The following NPEPL1 variants were observed in gnomAD, a reference collection of about 807,000 sequenced individuals.
NPEPL1 encodes the protein aminopeptidase like 1.
In NPEPL1, 45 loss-of-function variants were observed where a neutral mutation model predicts 52.4. The ratio of observed to expected loss-of-function variants is 0.86; its 90% CI spans 0.68 to 1.10. The LOEUF is 1.10. NPEPL1 is among the 50% of genes least tolerant of loss of function. NPEPL1 has a pLI of 0.00. For synonymous variants in NPEPL1, 360 were observed against 314.7 expected, an observed-to-expected ratio of 1.14 and a Z score of -1.52; for missense variants, 696 against 710.9, an observed-to-expected ratio of 0.98 and a Z score of 0.24.
intron 6 of NPEPL1, 36 bp from the exon 7 acceptor site, chr20:58,707,087 C>G: frequency 6.5e-7 from 1 of 1,545,750 alleles, no homozygotes; most frequent in Non-Finnish European, 8.8e-7. Flanking sequence ...GACCTCACAG[C>G]TCACCTTTGT....
At chr20:58,692,763 G>T, upstream of NPEPL1, 2 of 957,320 alleles carry the variant, frequency 2.1e-6, no homozygotes, top group South Asian at 9.5e-5. The surrounding 1 kb of genome is among the most constrained non-coding windows in gnomAD (Gnocchi z 5.7). Flanking sequence ...GAGCAGCCCG[G>T]AGCGGCGGGG....
intron 7 of NPEPL1, chr20:58,711,099 T>TCCCCTCCCCCC (rs2084829571): frequency 5.5e-5 from 2 of 36,546 alleles, no homozygotes; most frequent in African/African-American, 3.9e-4. Context: ...CCTCTCCTCC[T>TCCCCTCCCCCC]CCTCCTCCCC....
At chr20:58,714,967 G>A in intron 11 of NPEPL1, 1 of 654,918 alleles carries the variant, frequency 1.5e-6, no homozygotes, top group East Asian at 2.8e-5. Context: ...CTTGCCCCCT[G>A]CCTACGCCTG....
chr20:58,712,739 T>C, intron 8 of NPEPL1, 160 bp downstream of exon 8: 1 of 698,358 alleles, frequency 1.4e-6, no homozygotes. Context: ...GGAGCTTTGG[T>C]AGCAGGCGCA....
chr20:58,694,028 G>A (rs1601091786), intron 2 of NPEPL1, 106 bp downstream of exon 2: 3 of 1,100,786 alleles, frequency 2.7e-6, no homozygotes, highest in South Asian at 3.2e-5. Flanking sequence ...ACGCCCAGAG[G>A]GCTGTGGACG....
chr20:58,706,549 A>G (rs905583574), intron 6 of NPEPL1, among the ~76,000 whole-genome samples: 8 of 152,190 alleles, frequency 5.3e-5, no homozygotes, highest in African/African-American at 1.7e-4. Flanking sequence ...CCTCCCTGCC[A>G]TAAGCACACT....
At chr20:58,702,536 GT>G (rs201942484) in intron 6 of NPEPL1, among the ~76,000 whole-genome samples, 2 of 151,302 alleles carry the variant, frequency 1.3e-5, no homozygotes, top group African/African-American at 2.4e-5. Flanking sequence ...AGGGTTTTTT[GT>G]TTTTTTTTAA....
intron 6 of NPEPL1, among the ~76,000 whole-genome samples, chr20:58,706,564 A>G (rs1484717527): frequency 6.6e-6 from 1 of 152,168 alleles, no homozygotes; most frequent in Admixed American, 6.5e-5. Context: ...CACACTAGGA[A>G]TCTGCAATGG....
intron 3 of NPEPL1, among the ~76,000 whole-genome samples, chr20:58,695,161 G>A (rs2084453558): frequency 7.6e-6 from 1 of 132,136 alleles, no homozygotes; most frequent in Admixed American, 7.6e-5. Flanking sequence ...GTGCATGTGT[G>A]GTGTGTGCAT....
chr20:58,713,552 T>TC lies in NPEPL1; in HGVS notation c.1125+12dup. ...CCCTGACCGGGGCTCAGGTGAGTGCTCCCTGGATCCACCCCTTAGCTGTAG... is the reference window on the plus strand; with the variant it reads ...CCCTGACCGGGGCTCAGGTGAGTGCTCCCCTGGATCCACCCCTTAGCTGTAG... On this transcript the variant is annotated intron_variant, in intron 9 of 11. Coordinates refer to ENST00000356091, the MANE Select transcript of NPEPL1 (RefSeq NM_024663.4). This position sits in a 1 kb window ranked among gnomAD's most constrained non-coding sequence, Gnocchi z 4.6. The TC allele has an allele frequency of 1.9e-6, 3 of 1,592,584 alleles. No homozygotes were observed. Among genetic ancestry groups the TC allele is most frequent in the Non-Finnish European group, 2.6e-6 (3 of 1,166,778 alleles).
chr20:58,703,031 T>C (rs972198655), intron 6 of NPEPL1, among the ~76,000 whole-genome samples: 3 of 152,168 alleles, frequency 2.0e-5, no homozygotes, highest in African/African-American at 7.2e-5. Flanking sequence ...CATCCCGCAC[T>C]CTCGTGTTTT....
chr20:58,712,371 C>T, intron 7 of NPEPL1, 108 bp from the exon 8 acceptor site: 1 of 721,310 alleles, frequency 1.4e-6, no homozygotes, highest in Non-Finnish European at 2.5e-6. Flanking sequence ...AACTTGGAGC[C>T]ATCTCTCTCT....
At chr20:58,704,654 G>C (rs569938370) in intron 6 of NPEPL1, among the ~76,000 whole-genome samples, 1 of 119,712 alleles carries the variant, frequency 8.4e-6, no homozygotes, top group Non-Finnish European at 1.9e-5. Flanking sequence ...GGGACCTTGC[G>C]TCTGCTTCCG....
Position 58,715,245 on chromosome 20 carries a change from C to A in NPEPL1, c.1491C>A (p.Asn497Lys), listed in dbSNP as rs2084929990. The change falls in exon 12 of 12, where the codon AAC (asparagine) becomes AAA (lysine). Residue 497 changes from asparagine (N) to lysine (K), a missense_variant. Transcript: ENST00000356091. Reference sequence around the variant, plus strand: ...GTGCCTCTGAGGACCCTCTGCTGAACCTGGTGTCCCCACTGGGCTGTGAGG... The same window carrying A: ...GTGCCTCTGAGGACCCTCTGCTGAAACTGGTGTCCCCACTGGGCTGTGAGG... ...FGRASEDPLLNLVSPLGCEVD... is the reference protein window; with the variant it reads ...FGRASEDPLLKLVSPLGCEVD... 6.2e-7 allele frequency: 1 copy of A among 1,610,368 alleles called. No individual in the cohort carries two copies.
chr20:58,711,206 G>T (rs2084834834), intron 7 of NPEPL1: 1 of 151,030 alleles, frequency 6.6e-6, no homozygotes, highest in Non-Finnish European at 1.5e-5. Context: ...CTCCTTTGTT[G>T]GTGGAGCTCA....
rs138891125 is a variant in NPEPL1, at chr20:58,703,396, TTA to T, written c.822+2240_822+2241del. The T allele has an allele frequency of 1.2e-3, 1,053 of 911,966 alleles. 9 individuals are homozygous for T. The African/African-American group carries it at 0.018, about 15-fold the overall frequency. The allele number at this position is 911,966 out of a possible 1,614,324, so 56.5% of individuals were successfully genotyped here. A position where few individuals can be genotyped will look rare whatever the true frequency, so the allele number is the denominator to read the frequency against. On this transcript the variant is annotated intron_variant, in intron 6 of 11. Coordinates refer to ENST00000356091, the MANE Select transcript of NPEPL1 (RefSeq NM_024663.4). ...AATAAGCAAACTGACTTCTAGTCGGTTATGATTCCTAAATTCGCCACAGATAG... is the reference window on the plus strand; with the variant it reads ...AATAAGCAAACTGACTTCTAGTCGGTTGATTCCTAAATTCGCCACAGATAG...
rs2084898833 is a variant in NPEPL1 at position 58,713,572 on chromosome 20, C to A, written c.1125+29C>A. The A allele has an allele frequency of 2.6e-6, 4 of 1,560,958 alleles. No individual in the cohort carries two copies. In the African/African-American group the frequency reaches 5.4e-5, roughly 21 times the overall value. ...AGTGCTCCCTGGATCCACCCCTTAG[C>A]TGTAGTCCCAGGGAACCCCACCCCA... is the stretch of plus-strand genomic sequence containing the variant. On this transcript the variant is annotated intron_variant, in intron 9 of 11. Transcript: ENST00000356091. This position sits in a 1 kb window ranked among gnomAD's most constrained non-coding sequence, Gnocchi z 4.6.
At position 58,712,276 on chromosome 20, in the gene NPEPL1, T is replaced by C. The variant is rs572707483; in HGVS notation, c.901-203T>C. Among the ~76,000 whole-genome samples, 392 of 152,198 alleles carry C rather than the reference T, an allele frequency of 2.6e-3. 1 individual carries two copies. The highest frequency in any genetic ancestry group is 4.7e-3 in the Non-Finnish European group (319 of 67,990). Reference sequence around the variant, plus strand: ...GCGGGTGGCCTCTGCCAGGGGAGGCTAGGAAACCCCAGTGGTGAGCCTTGG... The same window carrying C: ...GCGGGTGGCCTCTGCCAGGGGAGGCCAGGAAACCCCAGTGGTGAGCCTTGG... On this transcript the variant is annotated intron_variant, in intron 7 of 11. Coordinates refer to ENST00000356091, the MANE Select transcript of NPEPL1 (RefSeq NM_024663.4).
intron 6 of NPEPL1, chr20:58,703,364 C>T (rs1568854051): frequency 1.8e-6 from 1 of 563,672 alleles, no homozygotes. Flanking sequence ...TACCGGCACA[C>T]GGTGGTAATA....
Sources: allele counts gnomAD v4.1 joint callset (sites outside exome capture counted in the v4.1 genomes callset), GRCh38; gene constraint gnomAD v4.1.1; non-coding constraint Gnocchi (gnomAD v3.1); transcripts MANE v1.5; gene names NCBI Gene and HGNC (gene_info 2026-07-23, HGNC 2026-07-21).